The following AFM variants were observed in gnomAD, a reference collection of about 807,000 sequenced individuals.
AFM encodes afamin.
A neutral mutation model predicts 68.7 loss-of-function variants in AFM; 82 were observed. The observed-to-expected ratio is 1.19, with a 90% CI of 1.00 to 1.43. The LOEUF (loss-of-function observed/expected upper bound fraction) is 1.43. Ranked by LOEUF, AFM falls within the 40% of genes most tolerant of loss-of-function variation. AFM has a pLI of 0.00. For missense variants in AFM, 772 were observed against 701.8 expected, an observed-to-expected ratio of 1.10 and a Z score of -1.13; for synonymous variants, 250 against 234.2, an observed-to-expected ratio of 1.07 and a Z score of -0.61.
chr4:73,494,224 G>A (rs556062577), intron 8 of AFM, among the ~76,000 whole-genome samples: 3 of 152,058 alleles, frequency 2.0e-5, no homozygotes, highest in South Asian at 2.1e-4. Flanking sequence ...AAGCAAATGG[G>A]AAGCTGGAGA....
At chr4:73,503,308 A>T (rs1721468735) in intron 14 of AFM, among the ~76,000 whole-genome samples, 198 bp downstream of exon 14, 1 of 152,016 alleles carries the variant, frequency 6.6e-6, no homozygotes, top group Admixed American at 6.6e-5. Flanking sequence ...GCAATGCTGC[A>T]TTTGTGCTTG....
chr4:73,490,363 CT>C (rs1460341207), intron 7 of AFM, among the ~76,000 whole-genome samples: 3 of 152,068 alleles, frequency 2.0e-5, no homozygotes, highest in Non-Finnish European at 4.4e-5. Flanking sequence ...TTAAATCAAT[CT>C]CCTTTGCGAT....
intron 10 of AFM, 120 bp from the exon 11 acceptor site, chr4:73,498,994 G>A (rs1049315957): frequency 6.3e-6 from 6 of 953,498 alleles, no homozygotes; most frequent in Non-Finnish European, 9.0e-6. Flanking sequence ...AGAGAGCTAA[G>A]GTTCATGTTG....
At position 73,503,126 on chromosome 4, in the gene AFM, T is replaced by G. The variant is rs1721464361; in HGVS notation, c.*40+16T>G. Reference sequence around the variant, plus strand: ...AGCACCAAAGGTAATACCCTCTGCCTCATTCAAATGTCAAATGTATTTGTG... The same window carrying G: ...AGCACCAAAGGTAATACCCTCTGCCGCATTCAAATGTCAAATGTATTTGTG... On this transcript the variant is annotated intron_variant, in intron 14 of 14. Transcript: ENST00000226355. The G allele has an allele frequency of 6.4e-7, 1 of 1,567,974 alleles. No homozygotes were observed. The highest frequency in any genetic ancestry group is 1.1e-5 in the South Asian group (1 of 89,168).
chr4:73,487,476 C>T (rs531724267), intron 5 of AFM, among the ~76,000 whole-genome samples: 1 of 152,286 alleles, frequency 6.6e-6, no homozygotes, highest in Admixed American at 6.5e-5. Flanking sequence ...CAGCATGCTG[C>T]CCCACCAAGG....
chr4:73,484,188 G>A, intron 2 of AFM, 70 bp from the exon 3 acceptor site: 8 of 1,521,458 alleles, frequency 5.3e-6, no homozygotes, highest in Non-Finnish European at 7.0e-6. Flanking sequence ...GGATGTTCCT[G>A]TGACTTTTTC....
At chr4:73,483,854 A>T in intron 1 of AFM, 87 bp from the exon 2 acceptor site, 1 of 1,141,414 alleles carries the variant, frequency 8.8e-7, no homozygotes, top group Non-Finnish European at 1.2e-6. Context: ...TTTGTATTTT[A>T]TACACTTAAA....
chr4:73,484,879 A>G (rs1489210446), intron 3 of AFM, among the ~76,000 whole-genome samples: 1 of 152,152 alleles, frequency 6.6e-6, no homozygotes, highest in Non-Finnish European at 1.5e-5. Context: ...TTTGCCCAAC[A>G]CTGAGAAAAT....
intron 6 of AFM, 69 bp downstream of exon 6, chr4:73,487,890 G>A (rs879202345): frequency 8.9e-7 from 1 of 1,121,344 alleles, no homozygotes; most frequent in Non-Finnish European, 1.3e-6. Context: ...TTGTTAAATG[G>A]TTGATAACTT....
rs1236167886 is a variant in AFM, at chr4:73,489,282, C to A, written c.843+523C>A. On this transcript the variant is annotated intron_variant, in intron 7 of 14. Transcript: ENST00000226355. Reference sequence around the variant, plus strand: ...TCCCTTCCCTTTTCCTGTTCCCTCCCTTTTCCCTTTCATTTCTTTCCACGT... The same window carrying A: ...TCCCTTCCCTTTTCCTGTTCCCTCCATTTTCCCTTTCATTTCTTTCCACGT... 2.0e-5 allele frequency among the ~76,000 whole-genome samples: 3 copies of A among 152,138 alleles called. No individual in the cohort carries two copies. The East Asian group carries it at 5.8e-4, about 29-fold the overall frequency.
intron 5 of AFM, 147 bp from the exon 6 acceptor site, chr4:73,487,577 T>C (rs952616343): frequency 6.5e-6 from 4 of 611,238 alleles, no homozygotes; most frequent in Non-Finnish European, 1.1e-5. Context: ...ATATTTCTTT[T>C]AATATGTGTG....
intron 7 of AFM, among the ~76,000 whole-genome samples, chr4:73,489,545 A>G (rs1721009539): frequency 6.6e-6 from 1 of 152,186 alleles, no homozygotes; most frequent in Admixed American, 6.5e-5. Context: ...TACTCAATAT[A>G]GTGGTATGAA....
intron 8 of AFM, among the ~76,000 whole-genome samples, chr4:73,494,604 A>G (rs1224057839): frequency 6.6e-6 from 1 of 152,192 alleles, no homozygotes; most frequent in Non-Finnish European, 1.5e-5. Context: ...TTTGGGGACT[A>G]AGTGAAGTGA....
rs1012039392 is a variant in AFM at position 73,495,177 on chromosome 4, C to G, written c.1059-123C>G. The stretch of plus-strand genomic sequence containing the variant: ...CTCTTAAATTACTCTGTGACCAAGA[C>G]AGAGGAGAAAATTAGCTTTTGAAAG... On this transcript the variant is annotated intron_variant, in intron 8 of 14. Coordinates refer to ENST00000226355, the MANE Select transcript of AFM (RefSeq NM_001133.2). 7.9e-6 allele frequency: 7 copies of G among 884,512 alleles called. No individual in the cohort carries two copies. In the African/African-American group the frequency reaches 1.1e-4, roughly 13 times the overall value. 54.8% of individuals were successfully genotyped at this position (884,512 alleles called of 1,614,324 possible). A position where few individuals can be genotyped will look rare whatever the true frequency, so the allele number is the denominator to read the frequency against.
intron 8 of AFM, 62 bp downstream of exon 8, chr4:73,492,148 T>C (rs2149344903): frequency 2.7e-6 from 4 of 1,466,558 alleles, no homozygotes; most frequent in Non-Finnish European, 3.7e-6. Context: ...GATTTGACTT[T>C]TGTTGCTAAT....
chr4:73,492,373 C>A (rs776955630), intron 8 of AFM, among the ~76,000 whole-genome samples: 19 of 152,118 alleles, frequency 1.2e-4, no homozygotes, highest in Non-Finnish European at 2.6e-4. Flanking sequence ...AGCAATCATA[C>A]AAAATAAGTA....
intron 6 of AFM, among the ~76,000 whole-genome samples, chr4:73,488,236 T>C (rs6858188): frequency 0.91 from 138,457 of 152,196 alleles, 64,425 homozygotes; most frequent in East Asian, 1. Context: ...GTAATGGGTG[T>C]TAAGGCAATG....
chr4:73,494,774 C>T (rs1318716513), intron 8 of AFM, among the ~76,000 whole-genome samples: 2 of 152,122 alleles, frequency 1.3e-5, no homozygotes, highest in Non-Finnish European at 2.9e-5. Flanking sequence ...AAGTCCTTGA[C>T]AGAGGATTTG....
intron 5 of AFM, among the ~76,000 whole-genome samples, chr4:73,487,402 G>A (rs930749080): frequency 2.6e-5 from 4 of 151,986 alleles, no homozygotes; most frequent in Non-Finnish European, 4.4e-5. Flanking sequence ...TTTTATCTTT[G>A]ACAATTTGTA....
Sources: gnomAD v4.1 joint callset for allele counts (sites outside exome capture counted in the v4.1 genomes callset) on GRCh38, gnomAD v4.1.1 for gene constraint, MANE v1.5 for transcripts, NCBI Gene and HGNC (gene_info 2026-07-23, HGNC 2026-07-21) for gene names.